EFCAB5: variants seen among roughly 807,000 people sequenced by gnomAD.
EFCAB5 encodes the protein EF-hand calcium binding domain 5.
In EFCAB5, 131 loss-of-function variants were observed where a neutral mutation model predicts 167.9. The ratio of observed to expected loss-of-function variants is 0.78; its 90% confidence interval spans 0.68 to 0.90. The LOEUF is 0.90. Ranked by LOEUF, EFCAB5 falls within the 40% of genes least tolerant of loss-of-function variation. The pLI, the probability that EFCAB5 is intolerant of heterozygous loss-of-function variation, is 0.00. For missense variants in EFCAB5, 1,663 were observed against 1,745.2 expected (o/e 0.95, Z 0.84); for synonymous variants, 574 against 602.8 (o/e 0.95, Z 0.70).
chr17:30,010,784 G>A (rs1329786031), intron 7 of EFCAB5, among the ~76,000 whole-genome samples: 1 of 152,018 alleles, frequency 6.6e-6, no homozygotes, highest in African/African-American at 2.4e-5. Context: ...TAGTTTCTCT[G>A]GCTGTGCAGA....
intron 4 of EFCAB5, among the ~76,000 whole-genome samples, chr17:29,972,295 C>T (rs1024364941): frequency 2.0e-5 from 3 of 151,550 alleles, no homozygotes; most frequent in African/African-American, 4.9e-5. Flanking sequence ...GTGATCCGCC[C>T]GCCTCGGCTT....
At chr17:29,935,050 G>A (rs2067233881) in intron 1 of EFCAB5, among the ~76,000 whole-genome samples, 1 of 151,974 alleles carries the variant, frequency 6.6e-6, no homozygotes, top group South Asian at 2.1e-4. Flanking sequence ...AGAAATCATG[G>A]TCCTATCCTT....
intron 10 of EFCAB5, among the ~76,000 whole-genome samples, 181 bp downstream of exon 10, chr17:30,054,329 A>G (rs2070193707): frequency 6.6e-6 from 1 of 152,172 alleles, no homozygotes; most frequent in African/African-American, 2.4e-5. Context: ...AATTAATTAC[A>G]TTCACTAATG....
intron 4 of EFCAB5, among the ~76,000 whole-genome samples, chr17:29,973,627 G>A (rs527832820): frequency 3.3e-5 from 5 of 150,904 alleles, no homozygotes; most frequent in African/African-American, 7.3e-5. Flanking sequence ...ACAGGCACCC[G>A]CCACTACACC....
At chr17:30,069,033 G>A in intron 14 of EFCAB5, 2 of 1,400,114 alleles carry the variant, frequency 1.4e-6, no homozygotes, top group Non-Finnish European at 2.0e-6. Context: ...CTGCTGTTCT[G>A]GATTTCATTG....
chr17:30,048,176 T>C (rs1467540637), intron 8 of EFCAB5, among the ~76,000 whole-genome samples: 1 of 152,186 alleles, frequency 6.6e-6, no homozygotes, highest in East Asian at 1.9e-4. Context: ...TCTGTGGACT[T>C]AGCTATGGTT....
intron 22 of EFCAB5, among the ~76,000 whole-genome samples, chr17:30,101,409 C>G (rs566862123): frequency 6.6e-6 from 1 of 152,180 alleles, no homozygotes; most frequent in East Asian, 1.9e-4. Context: ...AAGGTTGACT[C>G]CATGGTTTGG....
intron 7 of EFCAB5, among the ~76,000 whole-genome samples, chr17:30,003,505 T>C (rs1169879160): frequency 1.3e-5 from 2 of 151,832 alleles, no homozygotes; most frequent in Non-Finnish European, 2.9e-5. Context: ...AGTGCTGGGA[T>C]TATAGGCGTG....
At chr17:30,065,184 A>G (rs1030259289) in intron 14 of EFCAB5, among the ~76,000 whole-genome samples, 26 of 152,224 alleles carry the variant, frequency 1.7e-4, no homozygotes, top group African/African-American at 6.3e-4. Flanking sequence ...AAATCTTATC[A>G]CCAAAGAAAA....
intron 19 of EFCAB5, among the ~76,000 whole-genome samples, chr17:30,087,871 T>C (rs983936916): frequency 2.0e-5 from 3 of 152,228 alleles, no homozygotes; most frequent in African/African-American, 7.2e-5. Flanking sequence ...ATCACCACAC[T>C]GTCTTCCACA....
chr17:30,000,826 A>T (rs1228431439), intron 7 of EFCAB5, among the ~76,000 whole-genome samples: 1 of 152,118 alleles, frequency 6.6e-6, no homozygotes, highest in Admixed American at 6.5e-5. Flanking sequence ...GTCATGCATT[A>T]CTCACAAGGC....
At chr17:29,994,133 AATATATATATATATAT>A (rs55875315) in intron 5 of EFCAB5, among the ~76,000 whole-genome samples, 586 of 55,856 alleles carry the variant, frequency 0.01, 15 homozygotes, top group African/African-American at 0.022. Context: ...AACAACAACA[AATATATATATATATAT>A]ATATATATAT....
At chr17:30,003,591 A>G (rs1041311089) in intron 7 of EFCAB5, among the ~76,000 whole-genome samples, 13 of 151,670 alleles carry the variant, frequency 8.6e-5, no homozygotes, top group South Asian at 2.1e-4. Context: ...AAAAAAAAAA[A>G]AGAGATGTGA....
intron 8 of EFCAB5, among the ~76,000 whole-genome samples, chr17:30,035,999 A>G (rs975351794): frequency 2.0e-5 from 3 of 149,164 alleles, no homozygotes; most frequent in Non-Finnish European, 3.0e-5. Flanking sequence ...ATGACTATGT[A>G]TATGTCTTAT....
At chr17:30,096,331 G>A (rs2071286252) in intron 22 of EFCAB5, among the ~76,000 whole-genome samples, 1 of 152,106 alleles carries the variant, frequency 6.6e-6, no homozygotes, top group Non-Finnish European at 1.5e-5. Context: ...AGTTTTACAT[G>A]TATAGATAAC....
intron 15 of EFCAB5, among the ~76,000 whole-genome samples, chr17:30,079,610 A>C (rs1289341783): frequency 3.3e-5 from 5 of 152,206 alleles, no homozygotes; most frequent in Non-Finnish European, 7.4e-5. Context: ...AAATATACAA[A>C]GTGTGTTAAG....
Position 30,092,916 on chromosome 17 carries a change from T to G in EFCAB5, c.4301T>G (p.Leu1434Arg), listed in dbSNP as rs1251965674. 1 of 1,609,024 alleles carries G rather than the reference T, an allele frequency of 6.2e-7. No homozygotes were observed. Among genetic ancestry groups the G allele is most frequent in the Admixed American group, 1.7e-5 (1 of 59,258 alleles). The change falls in exon 22 of 23, where the codon CTT becomes CGT. Residue 1434 changes from leucine (L) to arginine (R), a missense_variant. Transcript: ENST00000394835. The part of the protein sequence containing the change: ...TAKHVEVNVQ[L>R]IDEYIRDHSR... ...AAGCATGTGGAAGTTAATGTACAGC[T>G]TATTGATGAATATATCAGAGGTAAA... is the stretch of plus-strand genomic sequence containing the variant.
At chr17:30,072,019 A>C (rs933283034) in intron 14 of EFCAB5, among the ~76,000 whole-genome samples, 2 of 152,178 alleles carry the variant, frequency 1.3e-5, no homozygotes, top group Non-Finnish European at 2.9e-5. Flanking sequence ...GGGATATCCA[A>C]AGGTTGGTTA....
Position 30,021,076 on chromosome 17 carries a change from C to A in EFCAB5, c.1045-13154C>A, listed in dbSNP as rs1378487902. On this transcript the variant is annotated intron_variant, in intron 7 of 22. Transcript: ENST00000394835. ...AGCAGAAAGGCTTTCCAGGAAGGAA[C>A]AACATGTAAAAAGACATAAAGGTCT... Among the ~76,000 whole-genome samples the A allele has an allele frequency of 2.0e-5, 3 of 150,558 alleles. No individual in the cohort carries two copies. In the South Asian group the frequency reaches 6.3e-4, roughly 31 times the overall value.
Sources: allele counts gnomAD v4.1 joint callset (sites outside exome capture counted in the v4.1 genomes callset), GRCh38; gene constraint gnomAD v4.1.1; transcripts MANE v1.5; gene names NCBI Gene and HGNC (gene_info 2026-07-23, HGNC 2026-07-21).